The following PKHD1 variants were observed in gnomAD, a reference collection of about 807,000 sequenced individuals.
The protein encoded by PKHD1 is fibrocystin.
A neutral mutation model predicts 412.0 loss-of-function variants in PKHD1; 291 were observed. The ratio of observed to expected loss-of-function variants is 0.71; its 90% confidence interval spans 0.64 to 0.78. PKHD1 has a LOEUF of 0.78. Among genes scored for constraint, PKHD1 ranks in the 30% least tolerant of loss-of-function variants. The pLI is 0.00. For missense variants in PKHD1, 4,825 were observed against 4,950.7 expected (o/e 0.97, Z 0.76); for synonymous variants, 1,777 against 1,821.5 (o/e 0.98, Z 0.62).
At chr6:51,912,930 T>C (rs1783194847) in intron 37 of PKHD1, among the ~76,000 whole-genome samples, 3 of 152,072 alleles carry the variant, frequency 2.0e-5, no homozygotes. Context: ...ATGAATGGGC[T>C]TCAGTTTCCT....
intron 52 of PKHD1, among the ~76,000 whole-genome samples, chr6:51,826,477 G>A (rs1019181809): frequency 2.6e-5 from 4 of 152,124 alleles, no homozygotes; most frequent in African/African-American, 7.2e-5. Flanking sequence ...AATCCACTCT[G>A]GTCAGTTTAG....
intron 37 of PKHD1, among the ~76,000 whole-genome samples, chr6:51,929,109 T>C (rs1471309641): frequency 6.6e-6 from 1 of 152,190 alleles, no homozygotes; most frequent in Non-Finnish European, 1.5e-5. Context: ...CATTGGAGAC[T>C]ATTAATCAGG....
At chr6:51,651,044 A>G (rs1237044137) in intron 61 of PKHD1, among the ~76,000 whole-genome samples, 1 of 152,152 alleles carries the variant, frequency 6.6e-6, no homozygotes, top group African/African-American at 2.4e-5. Context: ...TCTGGGTTAA[A>G]GAGACTGAAA....
intron 55 of PKHD1, among the ~76,000 whole-genome samples, chr6:51,761,045 T>C (rs1424831931): frequency 2.6e-5 from 4 of 152,024 alleles, no homozygotes; most frequent in East Asian, 3.9e-4. Context: ...TAATTAAAAA[T>C]AGAATATGAT....
At chr6:51,775,443 T>G (rs1381072717) in intron 54 of PKHD1, among the ~76,000 whole-genome samples, 4 of 151,958 alleles carry the variant, frequency 2.6e-5, no homozygotes, top group South Asian at 2.1e-4. Flanking sequence ...TGAATGTTCC[T>G]TATTAATTTA....
At chr6:51,948,282 A>G (rs572362061) in intron 36 of PKHD1, among the ~76,000 whole-genome samples, 2 of 152,180 alleles carry the variant, frequency 1.3e-5, no homozygotes, top group African/African-American at 2.4e-5. Flanking sequence ...AAATTCTTCA[A>G]TGGCTCCCAT....
intron 49 of PKHD1, among the ~76,000 whole-genome samples, chr6:51,849,615 C>A (rs935775283): frequency 6.6e-6 from 1 of 151,966 alleles, no homozygotes; most frequent in African/African-American, 2.4e-5. Context: ...TATCTCATAG[C>A]GGTTTTGATG....
At chr6:51,895,540 G>A (rs1017695952) in intron 43 of PKHD1, among the ~76,000 whole-genome samples, 4 of 152,246 alleles carry the variant, frequency 2.6e-5, no homozygotes, top group African/African-American at 9.6e-5. Context: ...TTTGGTTATA[G>A]GTTTATACCT....
intron 35 of PKHD1, among the ~76,000 whole-genome samples, chr6:51,997,718 G>A (rs1370002299): frequency 6.6e-6 from 1 of 152,208 alleles, no homozygotes; most frequent in Non-Finnish European, 1.5e-5. Context: ...AAATCCCACA[G>A]AGGATCTTCA....
At position 52,082,415 on chromosome 6, in the gene PKHD1, C is replaced by T. The variant is rs1562305126; in HGVS notation, c.258G>A (p.Leu86=). 1 of 1,614,116 alleles carries T rather than the reference C, an allele frequency of 6.2e-7. No homozygotes were observed. Among genetic ancestry groups the T allele is most frequent in the African/African-American group, 1.3e-5 (1 of 75,034 alleles). The part of the protein sequence containing the change: ...PCDVFPVFLD[L]PVVTCRTRSV... Reference sequence around the variant, plus strand: ...ACCTGGTCCGGCATGTCACCACAGGCAAATCCAAGAAAACAGGAAAGACGT... The same window carrying T: ...ACCTGGTCCGGCATGTCACCACAGGTAAATCCAAGAAAACAGGAAAGACGT... Residue 86 remains leucine (L), a synonymous_variant, in exon 4 of 67, where the codon TTG becomes TTA. Transcript: ENST00000371117.
chr6:51,782,828 G>A (rs571646147), intron 53 of PKHD1, among the ~76,000 whole-genome samples: 1 of 152,086 alleles, frequency 6.6e-6, no homozygotes, highest in African/African-American at 2.4e-5. Context: ...CTTTAAGCTG[G>A]AGGATATGTT....
chr6:52,005,175 A>G (rs917009913), intron 35 of PKHD1, among the ~76,000 whole-genome samples: 44 of 152,050 alleles, frequency 2.9e-4, no homozygotes, highest in Non-Finnish European at 2.4e-4. Flanking sequence ...TTGCCTCTCC[A>G]TTCCCTCTGC....
chr6:52,086,104 AAAGTGTGTGTGTATGTGTGTG>A (rs1562313544), intron 1 of PKHD1, among the ~76,000 whole-genome samples: 1 of 145,994 alleles, frequency 6.8e-6, no homozygotes, highest in East Asian at 2.0e-4. Context: ...ACACACACAC[AAAGTGTGTGTGTATGTGTGTG>A]TGTGTGGCAG....
intron 12 of PKHD1, 108 bp downstream of exon 12, chr6:52,065,868 A>C: frequency 1.4e-6 from 1 of 725,452 alleles, no homozygotes; most frequent in Middle Eastern, 2.3e-4. Flanking sequence ...ATGATGAGTC[A>C]GAAGGGGCAA....
intron 60 of PKHD1, chr6:51,720,785 G>GTA (rs71542398): frequency 0.13 from 18,838 of 142,254 alleles, 1,299 homozygotes; most frequent in African/African-American, 0.17. Flanking sequence ...GTGTGTGTGT[G>GTA]TATATATATA....
At chr6:51,632,512 G>C in intron 65 of PKHD1, 53 bp downstream of exon 65, 1 of 1,455,404 alleles carries the variant, frequency 6.9e-7, no homozygotes, top group Admixed American at 1.7e-5. Flanking sequence ...TGTTATGTAT[G>C]ATGACTTTTT....
chr6:51,864,406 A>G (rs1175257568), intron 48 of PKHD1, among the ~76,000 whole-genome samples: 1 of 152,226 alleles, frequency 6.6e-6, no homozygotes, highest in Non-Finnish European at 1.5e-5. Flanking sequence ...GTGGTTCTAC[A>G]GGTGAAAAGT....
At chr6:51,993,327 C>T (rs188460231) in intron 35 of PKHD1, among the ~76,000 whole-genome samples, 1 of 152,252 alleles carries the variant, frequency 6.6e-6, no homozygotes, top group African/African-American at 2.4e-5. Context: ...ATCTTTTACA[C>T]ATCTCATCAG....
chr6:51,953,340 C>T (rs1790643915), intron 36 of PKHD1, among the ~76,000 whole-genome samples: 1 of 152,070 alleles, frequency 6.6e-6, no homozygotes, highest in Admixed American at 6.6e-5. Flanking sequence ...ATCAAAATTA[C>T]TGCCTTCCTT....
Sources: gnomAD v4.1 joint callset for allele counts (sites outside exome capture counted in the v4.1 genomes callset) on GRCh38, gnomAD v4.1.1 for gene constraint, MANE v1.5 for transcripts, NCBI Gene and HGNC (gene_info 2026-07-23, HGNC 2026-07-21) for gene names.